Variants in DEK observed in about 807,000 individuals in gnomAD.
The protein encoded by DEK is DEK proto-oncogene.
In DEK, 28 loss-of-function variants were observed where a neutral mutation model predicts 46.8. That is an observed-to-expected ratio of 0.60 (90% CI 0.44 to 0.82). The LOEUF is 0.82. DEK is among the 40% of genes least tolerant of loss of function. The pLI, the probability that DEK is intolerant of heterozygous loss-of-function variation, is 0.00. For synonymous variants in DEK, 160 were observed against 144.5 expected (o/e 1.11, Z -0.77); for missense variants, 416 against 430.6 (o/e 0.97, Z 0.30).
chr6:18,239,635 C>T (rs1790819347), intron 7 of DEK, among the ~76,000 whole-genome samples: 1 of 152,100 alleles, frequency 6.6e-6, no homozygotes, highest in Non-Finnish European at 1.5e-5. Flanking sequence ...GGCTGACATG[C>T]TTCTAAAAGT....
At chr6:18,263,636 A>G (rs905760181) in intron 2 of DEK, among the ~76,000 whole-genome samples, 1 of 152,220 alleles carries the variant, frequency 6.6e-6, no homozygotes, top group African/African-American at 2.4e-5. Flanking sequence ...CCACGCTAAC[A>G]AATACTTTAA....
At chr6:18,234,886 A>C (rs938804270) in intron 9 of DEK, among the ~76,000 whole-genome samples, 4 of 152,120 alleles carry the variant, frequency 2.6e-5, no homozygotes, top group African/African-American at 9.7e-5. Context: ...CTCACTATTC[A>C]TTAATAACTC....
rs777926774 is a variant in DEK at position 18,263,825 on chromosome 6, G to T, written c.145+18C>A. The T allele has an allele frequency of 4.3e-6, 7 of 1,611,132 alleles. No homozygotes were observed. The highest frequency in any genetic ancestry group is 2.2e-5 in the East Asian group (1 of 44,552). On this transcript the variant is annotated intron_variant, in intron 2 of 10. Transcript: ENST00000652689. ...TTCGGTCTGAAAAATTCATCAGTTG[G>T]GATGCGACTCCCCCCACCTTTTTCC...
chr6:18,232,283 T>C (rs985948616), intron 9 of DEK, among the ~76,000 whole-genome samples: 1 of 152,170 alleles, frequency 6.6e-6, no homozygotes, highest in African/African-American at 2.4e-5. Flanking sequence ...ACTGGAATCA[T>C]TCCCTTTGAA....
At chr6:18,248,170 A>C (rs576462137) in intron 7 of DEK, among the ~76,000 whole-genome samples, 126 of 152,274 alleles carry the variant, frequency 8.3e-4, no homozygotes, top group African/African-American at 2.7e-3. Flanking sequence ...ATCACTCCCC[A>C]TTTTACAGAT....
intron 1 of DEK, 104 bp downstream of exon 1, chr6:18,264,281 A>C (rs1480682898): frequency 5.3e-6 from 1 of 187,616 alleles, no homozygotes; most frequent in Non-Finnish European, 1.1e-5. Flanking sequence ...CCGGCCCTCC[A>C]CGTCCCCTCC....
intron 9 of DEK, among the ~76,000 whole-genome samples, chr6:18,230,013 A>G (rs1031086884): frequency 1.3e-5 from 2 of 152,224 alleles, no homozygotes; most frequent in African/African-American, 2.4e-5. Context: ...AAGCCCATCA[A>G]ACTAACAGCG....
chr6:18,239,706 T>A (rs1314738771), intron 7 of DEK, among the ~76,000 whole-genome samples: 4 of 152,148 alleles, frequency 2.6e-5, no homozygotes, highest in African/African-American at 9.7e-5. Flanking sequence ...TACTTCCTAA[T>A]CCTAAGAGAT....
intron 9 of DEK, among the ~76,000 whole-genome samples, chr6:18,233,340 A>C (rs1181818755): frequency 6.6e-6 from 1 of 152,218 alleles, no homozygotes; most frequent in Non-Finnish European, 1.5e-5. Flanking sequence ...CAAAAGCCAA[A>C]ATTGACAAAT....
intron 9 of DEK, 34 bp from the exon 10 acceptor site, chr6:18,226,276 A>G: frequency 7.6e-7 from 1 of 1,314,478 alleles, no homozygotes; most frequent in Non-Finnish European, 1.0e-6. Context: ...TAATGTTAAA[A>G]GCAGATTTTA....
At chr6:18,263,403 C>T (rs1791962241) in intron 2 of DEK, among the ~76,000 whole-genome samples, 1 of 152,098 alleles carries the variant, frequency 6.6e-6, no homozygotes, top group Non-Finnish European at 1.5e-5. Flanking sequence ...CTTATAACTT[C>T]AGTCTTAACG....
chr6:18,263,260 T>C (rs908807934), intron 2 of DEK, among the ~76,000 whole-genome samples: 2 of 152,174 alleles, frequency 1.3e-5, no homozygotes, highest in Admixed American at 6.5e-5. Context: ...TTTAACTTTC[T>C]TTCAGAGTTC....
intron 9 of DEK, among the ~76,000 whole-genome samples, chr6:18,229,544 G>T (rs1460099025): frequency 6.6e-6 from 1 of 152,144 alleles, no homozygotes; most frequent in Non-Finnish European, 1.5e-5. Flanking sequence ...TGACCTGATG[G>T]CGCTGAAAAC....
At chr6:18,236,299 T>C (rs1447496978) in intron 9 of DEK, among the ~76,000 whole-genome samples, 153 bp downstream of exon 9, 2 of 152,248 alleles carry the variant, frequency 1.3e-5, no homozygotes, top group Admixed American at 6.5e-5. Context: ...TTTTAAGTGG[T>C]ATCCCAGCAC....
chr6:18,245,547 AG>A (rs1294757747), intron 7 of DEK, among the ~76,000 whole-genome samples: 1 of 151,346 alleles, frequency 6.6e-6, no homozygotes, highest in African/African-American at 2.4e-5. Context: ...TAAAAACACT[AG>A]AAAATAAAAA....
rs917251622 is a variant in DEK, at chr6:18,223,935, C to G, written c.*1784G>C. 1 of 152,258 alleles carries G rather than the reference C, an allele frequency of 6.6e-6. No individual in the cohort carries two copies. The highest frequency in any genetic ancestry group is 2.4e-5 in the African/African-American group (1 of 41,438). The allele number at this position is 152,258 out of a possible 1,614,324, so 9.4% of individuals were successfully genotyped here. A position where few individuals can be genotyped will look rare whatever the true frequency, so the allele number is the denominator to read the frequency against. ...CTTTCATACAGAACAACTCCATTTC[C>G]TCACTTCCAAATACTCTATGCATGA... On this transcript the variant is annotated 3_prime_UTR_variant, in exon 11 of 11. Transcript: ENST00000652689.
At chr6:18,247,594 C>T (rs564455453) in intron 7 of DEK, among the ~76,000 whole-genome samples, 26 of 152,214 alleles carry the variant, frequency 1.7e-4, no homozygotes, top group African/African-American at 6.3e-4. Flanking sequence ...GTATCATCTG[C>T]ATACACCAAG....
At position 18,225,560 on chromosome 6, in the gene DEK, C is replaced by T; in HGVS notation, c.*159G>A. The stretch of plus-strand genomic sequence containing the variant: ...GAAATGCAATTTAAAACAGCAAACT[C>T]AAATTCACATAACACTCAAGATAAA... On this transcript the variant is annotated 3_prime_UTR_variant, in exon 11 of 11. Coordinates refer to ENST00000652689, the MANE Select transcript of DEK (RefSeq NM_003472.4). The T allele has an allele frequency of 1.4e-6, 1 of 702,168 alleles. No individual in the cohort carries two copies. The highest frequency in any genetic ancestry group is 2.2e-6 in the Non-Finnish European group (1 of 451,272). 43.5% of individuals were successfully genotyped at this position (702,168 alleles called of 1,614,324 possible). A position where few individuals can be genotyped will look rare whatever the true frequency, so the allele number is the denominator to read the frequency against.
rs780094841 is a variant in DEK, at chr6:18,263,989, C to T, written c.-2G>A. ...CGCAGCAGGGGCCGAGGCGGACATG[C>T]TGTGAACCTGCATGCGGGAAGAAAG... On this transcript the variant is annotated 5_prime_UTR_variant, in exon 2 of 11. Transcript: ENST00000652689. 1.9e-5 allele frequency: 31 copies of T among 1,600,846 alleles called. No individual in the cohort carries two copies. Among genetic ancestry groups the T allele is most frequent in the Non-Finnish European group, 2.5e-5 (29 of 1,174,438 alleles).
Sources: gnomAD v4.1 joint callset for allele counts (sites outside exome capture counted in the v4.1 genomes callset) on GRCh38, gnomAD v4.1.1 for gene constraint, MANE v1.5 for transcripts, NCBI Gene and HGNC (gene_info 2026-07-23, HGNC 2026-07-21) for gene names.